The following PTPN12 variants were observed in gnomAD, a reference collection of about 807,000 sequenced individuals.
PTPN12 encodes the protein protein tyrosine phosphatase non-receptor type 12, also known as tyrosine-protein phosphatase non-receptor type 12.
PTPN12 carries 29 observed loss-of-function variants against 97.6 expected under a neutral mutation model. The observed-to-expected ratio is 0.30, with a 90% CI of 0.22 to 0.41. The LOEUF (loss-of-function observed/expected upper bound fraction) is 0.41, where lower values mean the gene tolerates loss of function less well. Among genes scored for constraint, PTPN12 ranks in the 10% least tolerant of loss-of-function variants. The pLI is 1.00. For missense variants in PTPN12, 819 were observed against 926.0 expected, an observed-to-expected ratio of 0.88 and a Z score of 1.50; for synonymous variants, 327 against 300.4, an observed-to-expected ratio of 1.09 and a Z score of -0.91.
intron 2 of PTPN12, among the ~76,000 whole-genome samples, chr7:77,580,060 T>C (rs1787464913): frequency 6.6e-6 from 1 of 152,224 alleles, no homozygotes; most frequent in Non-Finnish European, 1.5e-5. Flanking sequence ...ACATTAGTGT[T>C]CATTGTAGTA....
Position 77,600,748 on chromosome 7 carries a change from A to G in PTPN12, c.637A>G (p.Ile213Val). The G allele has an allele frequency of 6.2e-7, 1 of 1,611,802 alleles. No individual in the cohort carries two copies. The highest frequency in any genetic ancestry group is 8.5e-7 in the Non-Finnish European group (1 of 1,178,552). The change falls in exon 8 of 18, where the codon ATA becomes GTA. Residue 213 changes from isoleucine (I) to valine (V), a missense_variant. Ile to Val is a conservative substitution (Grantham distance 29). Transcript: ENST00000248594. ...ATCATTTGATTCTATTCTGGACATGATAAGCTTAATGAGGAAATATCAAGA... is the reference window on the plus strand; with the variant it reads ...ATCATTTGATTCTATTCTGGACATGGTAAGCTTAATGAGGAAATATCAAGA... ...PSSFDSILDM[I>V]SLMRKYQEHE...
intron 12 of PTPN12, among the ~76,000 whole-genome samples, chr7:77,625,522 TCACTCTCACTCTCA>T (rs1789133316): frequency 2.2e-5 from 1 of 44,748 alleles, no homozygotes; most frequent in African/African-American, 7.8e-5. Flanking sequence ...TCTCTCTCTC[TCACTCTCACTCTCA>T]CTCGCGCTCT....
chr7:77,575,151 A>G (rs1178652869), intron 2 of PTPN12, among the ~76,000 whole-genome samples: 6 of 152,066 alleles, frequency 3.9e-5, no homozygotes, highest in Non-Finnish European at 8.8e-5. Context: ...TTATATTGAA[A>G]GTAATTGTAC....
intron 12 of PTPN12, among the ~76,000 whole-genome samples, chr7:77,619,679 T>A (rs1024489338): frequency 6.6e-6 from 1 of 152,194 alleles, no homozygotes; most frequent in Non-Finnish European, 1.5e-5. Flanking sequence ...TTTACTTCAT[T>A]GTAGTGAGAG....
At chr7:77,592,160 A>G in intron 5 of PTPN12, 25 bp from the exon 6 acceptor site, 1 of 1,553,730 alleles carries the variant, frequency 6.4e-7, no homozygotes, top group Non-Finnish European at 8.8e-7. Flanking sequence ...TGAATTACTT[A>G]CTAATTTTTT....
chr7:77,628,617 G>C (rs1017233885), intron 13 of PTPN12, among the ~76,000 whole-genome samples: 1 of 144,030 alleles, frequency 6.9e-6, no homozygotes, highest in Middle Eastern at 3.5e-3. Context: ...GTCTTGCACT[G>C]TCACCCAGGC....
rs570293556 is a variant in PTPN12 at position 77,546,511 on chromosome 7, T to C, written c.99+8866T>C. Among the ~76,000 whole-genome samples, 20 of 152,352 alleles carry C rather than the reference T, an allele frequency of 1.3e-4. No individual in the cohort carries two copies. In the South Asian group the frequency reaches 3.9e-3, roughly 30 times the overall value. On this transcript the variant is annotated intron_variant, in intron 1 of 17. Coordinates refer to ENST00000248594, the MANE Select transcript of PTPN12 (RefSeq NM_002835.4). ...GATTCATGCAGTCAAACCTTGACAA[T>C]TATCTCCTTCCTTCTGAAATCACAC...
chr7:77,546,881 G>C (rs959722277), intron 1 of PTPN12, among the ~76,000 whole-genome samples: 1 of 152,176 alleles, frequency 6.6e-6, no homozygotes, highest in African/African-American at 2.4e-5. Context: ...ATCAGATCTT[G>C]TGAGAACTCA....
chr7:77,588,840 A>G lies in PTPN12; in HGVS notation c.420+3259A>G, dbSNP rs554251821. Among the ~76,000 whole-genome samples the G allele has an allele frequency of 8.5e-5, 13 of 152,282 alleles. No individual in the cohort carries two copies. In the South Asian group the frequency reaches 2.5e-3, roughly 29 times the overall value. On this transcript the variant is annotated intron_variant, in intron 5 of 17. Coordinates refer to ENST00000248594, the MANE Select transcript of PTPN12 (RefSeq NM_002835.4). ...GGAAATACATTTTAAAAATCTGGTT[A>G]TCATTAATATATGGTTTGAATTTTT...
intron 6 of PTPN12, among the ~76,000 whole-genome samples, chr7:77,595,316 A>T (rs774234619): frequency 2.6e-5 from 4 of 152,226 alleles, no homozygotes; most frequent in Non-Finnish European, 5.9e-5. Flanking sequence ...GCATGTTGGT[A>T]AAAATATTCG....
intron 2 of PTPN12, among the ~76,000 whole-genome samples, chr7:77,580,014 A>T (rs2151329112): frequency 6.6e-6 from 1 of 152,348 alleles, no homozygotes; most frequent in South Asian, 2.1e-4. Context: ...TCTGTTAGGA[A>T]TTTACCCTAC....
intron 1 of PTPN12, among the ~76,000 whole-genome samples, chr7:77,551,561 C>T (rs1470309696): frequency 6.6e-6 from 1 of 152,142 alleles, no homozygotes; most frequent in African/African-American, 2.4e-5. Context: ...ATTTTTTTCT[C>T]AAAAATCAAT....
In PTPN12 at chr7:77,617,890, G is replaced by T. The variant is rs1470020691; in HGVS notation, c.940-590G>T. Among the ~76,000 whole-genome samples the T allele has an allele frequency of 2.6e-5, 4 of 152,124 alleles. No homozygotes were observed. The East Asian group carries it at 7.7e-4, about 29-fold the overall frequency. Reference sequence around the variant, plus strand: ...AGAACCAAGGATATTCTGGGGATGGGCTCTGTCTGCCTTTTTGAGGTCCAT... The same window carrying T: ...AGAACCAAGGATATTCTGGGGATGGTCTCTGTCTGCCTTTTTGAGGTCCAT... On this transcript the variant is annotated intron_variant, in intron 11 of 17. Coordinates refer to ENST00000248594, the MANE Select transcript of PTPN12 (RefSeq NM_002835.4).
intron 7 of PTPN12, among the ~76,000 whole-genome samples, chr7:77,598,676 C>G (rs1584168210): frequency 1.3e-5 from 2 of 151,928 alleles, no homozygotes; most frequent in East Asian, 3.8e-4. Flanking sequence ...GAGCAAGACT[C>G]TGTCTCAAAA....
intron 1 of PTPN12, among the ~76,000 whole-genome samples, chr7:77,570,653 T>C (rs1787093359): frequency 6.6e-6 from 1 of 152,268 alleles, no homozygotes; most frequent in Non-Finnish European, 1.5e-5. Context: ...ATTATTAGCT[T>C]ATGCCTTGGG....
intron 7 of PTPN12, among the ~76,000 whole-genome samples, chr7:77,598,541 G>C (rs958784796): frequency 1.3e-5 from 2 of 151,974 alleles, no homozygotes; most frequent in African/African-American, 4.8e-5. Flanking sequence ...AAATTAGCTG[G>C]GCATGGTGGT....
intron 8 of PTPN12, chr7:77,605,050 A>G: frequency 6.1e-6 from 1 of 164,384 alleles, no homozygotes; most frequent in Non-Finnish European, 1.3e-5. Flanking sequence ...AGATATATAT[A>G]ATTTATCCCA....
At chr7:77,540,908 A>G (rs1806940952) in intron 1 of PTPN12, among the ~76,000 whole-genome samples, 1 of 152,240 alleles carries the variant, frequency 6.6e-6, no homozygotes, top group East Asian at 1.9e-4. Flanking sequence ...TCATAAAATA[A>G]TGTTTATTCC....
chr7:77,566,223 A>G (rs1344175998), intron 1 of PTPN12, among the ~76,000 whole-genome samples: 1 of 152,246 alleles, frequency 6.6e-6, no homozygotes, highest in Non-Finnish European at 1.5e-5. Context: ...TCAAACTCTA[A>G]TAAGAGCATT....
Sources: allele counts gnomAD v4.1 joint callset (sites outside exome capture counted in the v4.1 genomes callset), GRCh38; gene constraint gnomAD v4.1.1; transcripts MANE v1.5; gene names NCBI Gene and HGNC (gene_info 2026-07-23, HGNC 2026-07-21).